Variants in RABGAP1 observed in about 807,000 individuals in gnomAD.
RABGAP1 encodes rab GTPase-activating protein 1.
In RABGAP1, 23 loss-of-function variants were observed where a neutral mutation model predicts 137.6. That is an observed-to-expected ratio of 0.17 (90% confidence interval 0.12 to 0.24). RABGAP1 has a LOEUF of 0.24. RABGAP1 is among the 10% of genes least tolerant of loss of function. The probability of loss-of-function intolerance (pLI) is 1.00; values close to 1 mark genes in which losing one functional copy is unlikely to be tolerated. For missense variants in RABGAP1, 906 were observed against 1,275.8 expected (o/e 0.71, Z 4.42); for synonymous variants, 451 against 450.7 (o/e 1.00, Z -0.01).
intron 14 of RABGAP1, among the ~76,000 whole-genome samples, chr9:123,067,409 T>C (rs141050886): frequency 4.0e-4 from 61 of 152,354 alleles, no homozygotes; most frequent in African/African-American, 1.5e-3. Context: ...AATTAGATCA[T>C]TTCAGTGGCC....
At chr9:122,986,701 A>G (rs1418670630) in intron 4 of RABGAP1, among the ~76,000 whole-genome samples, 1 of 152,192 alleles carries the variant, frequency 6.6e-6, no homozygotes, top group African/African-American at 2.4e-5. Flanking sequence ...CTAAAAGATT[A>G]TATTTTCCAT....
chr9:123,031,708 G>T (rs146707868), intron 13 of RABGAP1, among the ~76,000 whole-genome samples: 192 of 152,330 alleles, frequency 1.3e-3, no homozygotes, highest in African/African-American at 4.2e-3. Context: ...TCATACCGGA[G>T]TGCCTGGGAA....
intron 11 of RABGAP1, among the ~76,000 whole-genome samples, chr9:123,015,220 G>A (rs2031127740): frequency 6.6e-6 from 1 of 150,722 alleles, no homozygotes; most frequent in Admixed American, 6.6e-5. Flanking sequence ...CATGCATAAA[G>A]CTGTTTGCTT....
At chr9:122,945,547 C>T (rs955883870) in intron 1 of RABGAP1, 9 of 152,132 alleles carry the variant, frequency 5.9e-5, no homozygotes, top group Non-Finnish European at 1.2e-4. Context: ...AAGCTCCTGC[C>T]TGACATTAAA....
intron 12 of RABGAP1, among the ~76,000 whole-genome samples, chr9:123,018,063 G>A (rs1008774349): frequency 4.6e-5 from 7 of 152,046 alleles, no homozygotes; most frequent in African/African-American, 1.4e-4. Context: ...GCGCGATCTC[G>A]GCTCACTGCA....
intron 13 of RABGAP1, among the ~76,000 whole-genome samples, chr9:123,022,227 CTG>C (rs2031685549): frequency 6.6e-6 from 1 of 152,126 alleles, no homozygotes; most frequent in Non-Finnish European, 1.5e-5. Flanking sequence ...CATGAAGTGT[CTG>C]TAACTGAATG....
chr9:123,010,537 T>C lies in RABGAP1; in HGVS notation c.1549+9T>C, dbSNP rs1439958159. 1.2e-6 allele frequency: 2 copies of C among 1,608,576 alleles called. No homozygotes were observed. The highest frequency in any genetic ancestry group is 2.2e-5 in the East Asian group (1 of 44,832). The stretch of plus-strand genomic sequence containing the variant: ...AGATGATGAAGAGGAAGGTAAACTG[T>C]AGGGATAGCTTAATTTATTTTTGGG... On this transcript the variant is annotated intron_variant, in intron 11 of 25. Transcript: ENST00000373647.
chr9:123,012,986 A>G (rs2030937854), intron 11 of RABGAP1, among the ~76,000 whole-genome samples: 1 of 152,178 alleles, frequency 6.6e-6, no homozygotes, highest in Admixed American at 6.5e-5. Flanking sequence ...AAACCCAGAA[A>G]TTATAAAGGG....
the RABGAP1 span, among the ~76,000 whole-genome samples, chr9:122,934,669 CTTTAT>C: frequency 0.98 from 146,024 of 149,714 alleles, 71,315 homozygotes; most frequent in Non-Finnish European, 1. Flanking sequence ...CACTTGACGC[CTTTAT>C]TTTATTTTAT....
chr9:123,037,189 G>A (rs1484706886), intron 13 of RABGAP1, among the ~76,000 whole-genome samples: 1 of 152,158 alleles, frequency 6.6e-6, no homozygotes. Flanking sequence ...GAAAGGACAT[G>A]GATATTTATA....
intron 2 of RABGAP1, chr9:122,971,697 T>G (rs1441449546): frequency 6.6e-6 from 1 of 152,190 alleles, no homozygotes; most frequent in Non-Finnish European, 1.5e-5. Context: ...GCAGATATGT[T>G]AAACAGCAAA....
chr9:123,025,543 C>CTTTCTTT (rs1554719837), intron 13 of RABGAP1, among the ~76,000 whole-genome samples: 2 of 74,998 alleles, frequency 2.7e-5, no homozygotes, highest in Admixed American at 1.6e-4. Flanking sequence ...TCTTTCTTTT[C>CTTTCTTT]TTTTTTTTTT....
At chr9:122,991,659 A>G (rs1331648609) in intron 6 of RABGAP1, among the ~76,000 whole-genome samples, 7 of 151,112 alleles carry the variant, frequency 4.6e-5, no homozygotes, top group South Asian at 2.1e-4. Flanking sequence ...CTTGAATGCA[A>G]TGGTACAAAC....
chr9:123,044,838 T>C (rs2033134063), intron 13 of RABGAP1, among the ~76,000 whole-genome samples: 1 of 152,146 alleles, frequency 6.6e-6, no homozygotes, highest in South Asian at 2.1e-4. Context: ...AGAATTCCTA[T>C]AGTCTGATTC....
chr9:123,049,685 A>G (rs1031113516), intron 13 of RABGAP1, among the ~76,000 whole-genome samples: 1 of 152,228 alleles, frequency 6.6e-6, no homozygotes, highest in Non-Finnish European at 1.5e-5. Flanking sequence ...TATACTGTCT[A>G]ATTGCAGATC....
At chr9:123,084,939 G>C (rs1174949507) in intron 19 of RABGAP1, among the ~76,000 whole-genome samples, 1 of 152,152 alleles carries the variant, frequency 6.6e-6, no homozygotes, top group Non-Finnish European at 1.5e-5. Context: ...TGCACAGCCC[G>C]AGCTCTTAGT....
chr9:122,990,796 A>AAATATATATATAT (rs1564384161), intron 6 of RABGAP1: 1 of 27,764 alleles, frequency 3.6e-5, no homozygotes, highest in African/African-American at 1.2e-4. Flanking sequence ...AAAAAAAAAA[A>AAATATATATATAT]ATATATATAT....
intron 25 of RABGAP1, among the ~76,000 whole-genome samples, chr9:123,102,821 T>C: frequency 6.6e-6 from 1 of 152,212 alleles, no homozygotes. Flanking sequence ...GCATTACCTG[T>C]CTGCCTGGTG....
intron 2 of RABGAP1, among the ~76,000 whole-genome samples, chr9:122,961,844 T>C (rs752478388): frequency 6.6e-6 from 1 of 152,022 alleles, no homozygotes; most frequent in Admixed American, 6.6e-5. Flanking sequence ...TTGCCAATAA[T>C]AGGAAAAAGG....
Sources: gnomAD v4.1 joint callset for allele counts (sites outside exome capture counted in the v4.1 genomes callset) on GRCh38, gnomAD v4.1.1 for gene constraint, MANE v1.5 for transcripts, NCBI Gene and HGNC (gene_info 2026-07-23, HGNC 2026-07-21) for gene names.